Variants in SPTLC2 observed in about 807,000 individuals in gnomAD.
SPTLC2 encodes serine palmitoyltransferase 2.
SPTLC2 carries 21 observed loss-of-function variants against 62.0 expected under a neutral mutation model. That is an observed-to-expected ratio of 0.34 (90% CI 0.24 to 0.49). The LOEUF (loss-of-function observed/expected upper bound fraction) is 0.49. Ranked by LOEUF, SPTLC2 falls within the 20% of genes least tolerant of loss-of-function variation. The pLI, the probability that SPTLC2 is intolerant of heterozygous loss-of-function variation, is 0.99. For synonymous variants in SPTLC2, 261 were observed against 261.8 expected (o/e 1.00, Z 0.03); for missense variants, 511 against 713.0 (o/e 0.72, Z 3.23).
At chr14:77,569,532 G>T (rs1030325251) in intron 5 of SPTLC2, among the ~76,000 whole-genome samples, 1 of 151,742 alleles carries the variant, frequency 6.6e-6, no homozygotes, top group Non-Finnish European at 1.5e-5. Flanking sequence ...CATGCTCACA[G>T]TCACACAGCT....
intron 2 of SPTLC2, among the ~76,000 whole-genome samples, chr14:77,592,363 G>A (rs954888531): frequency 1.3e-5 from 2 of 151,972 alleles, no homozygotes; most frequent in African/African-American, 4.8e-5. Context: ...TTGAACTCCT[G>A]ACCTCAGGTG....
At chr14:77,592,989 G>C (rs2044491843) in intron 2 of SPTLC2, among the ~76,000 whole-genome samples, 2 of 151,832 alleles carry the variant, frequency 1.3e-5, no homozygotes, top group South Asian at 4.1e-4. Flanking sequence ...TGTAATTCCA[G>C]CTACTTGGGA....
intron 6 of SPTLC2, among the ~76,000 whole-genome samples, chr14:77,558,035 C>T (rs2079594245): frequency 6.7e-6 from 1 of 148,390 alleles, no homozygotes; most frequent in South Asian, 2.2e-4. Flanking sequence ...GGGTGGGAGA[C>T]ATCCTATCAT....
rs1230369473 is a variant in SPTLC2 at position 77,512,075 on chromosome 14, T to C, written c.*209A>G. The stretch of plus-strand genomic sequence containing the variant: ...AAAGCAAAGTGAGTCACCTTCGTTT[T>C]TAAAGGTGAGATTTAGCAAAGGAAG... On this transcript the variant is annotated 3_prime_UTR_variant, in exon 12 of 12. Transcript: ENST00000216484. 1 of 643,104 alleles carries C rather than the reference T, an allele frequency of 1.6e-6. No individual in the cohort carries two copies. Among genetic ancestry groups the C allele is most frequent in the Non-Finnish European group, 2.6e-6 (1 of 379,200 alleles). The allele number at this position is 643,104 out of a possible 1,614,324, so 39.8% of individuals were successfully genotyped here.
intron 9 of SPTLC2, among the ~76,000 whole-genome samples, chr14:77,532,815 A>C (rs898143610): frequency 9.8e-6 from 1 of 102,302 alleles, no homozygotes; most frequent in East Asian, 2.4e-4. Flanking sequence ...AAATAAATAA[A>C]TAAATAAAAT....
chr14:77,516,018 A>G (rs1207576485), intron 11 of SPTLC2, among the ~76,000 whole-genome samples: 1 of 24,338 alleles, frequency 4.1e-5, no homozygotes, highest in Non-Finnish European at 2.3e-4. Flanking sequence ...GCGCGCGCGC[A>G]TGTGTGTGTG....
chr14:77,556,511 C>T (rs1288649999), intron 7 of SPTLC2, among the ~76,000 whole-genome samples: 8 of 152,056 alleles, frequency 5.3e-5, no homozygotes, highest in South Asian at 4.1e-4. Context: ...GGTAAAAATA[C>T]GTGTAAAAGC....
chr14:77,562,420 T>C lies in SPTLC2; in HGVS notation c.826A>G (p.Thr276Ala), dbSNP rs535634658. ...CTGTTGTGTTTGAAGATTCTAATGG[T>C]TGCTCCTGACAGTCTGGCTCCCAGA... Reference protein sequence around the residue: ...LVLGARLSGATIRIFKHNNMQ... With the variant: ...LVLGARLSGAAIRIFKHNNMQ... The change falls in exon 6 of 12, where the codon ACC (threonine) becomes GCC (alanine). Residue 276 changes from threonine to alanine, a missense_variant. Physicochemically the swap from Thr to Ala is moderately conservative, Grantham distance 58. Coordinates refer to ENST00000216484, the MANE Select transcript of SPTLC2 (RefSeq NM_004863.4). 5.0e-6 allele frequency: 8 copies of C among 1,614,068 alleles called. No individual in the cohort carries two copies. In the South Asian group the frequency reaches 8.8e-5, roughly 18 times the overall value.
chr14:77,600,859 G>GA (rs1181231585), intron 1 of SPTLC2, among the ~76,000 whole-genome samples: 1 of 151,706 alleles, frequency 6.6e-6, no homozygotes, highest in South Asian at 2.1e-4. Context: ...ACAAGAGAAG[G>GA]AAAAAAAATC....
chr14:77,590,502 G>A (rs1000922648), intron 2 of SPTLC2, among the ~76,000 whole-genome samples: 1 of 152,146 alleles, frequency 6.6e-6, no homozygotes, highest in African/African-American at 2.4e-5. Flanking sequence ...ATAAACATGA[G>A]CCCAGGAGTT....
At chr14:77,592,850 C>CTT (rs1463143497) in intron 2 of SPTLC2, among the ~76,000 whole-genome samples, 1 of 152,154 alleles carries the variant, frequency 6.6e-6, no homozygotes, top group African/African-American at 2.4e-5. Flanking sequence ...TGGCTCACTC[C>CTT]TGTAATCCCA....
chr14:77,590,649 T>G (rs1231964010), intron 2 of SPTLC2, among the ~76,000 whole-genome samples: 1 of 152,082 alleles, frequency 6.6e-6, no homozygotes, highest in Non-Finnish European at 1.5e-5. Flanking sequence ...GAGACAGAAG[T>G]TGCAGTAAGC....
intron 1 of SPTLC2, among the ~76,000 whole-genome samples, chr14:77,609,443 T>C (rs2079923039): frequency 1.3e-5 from 2 of 152,162 alleles, no homozygotes; most frequent in South Asian, 4.2e-4. Flanking sequence ...TTGGCTATTA[T>C]AAATAACGTG....
intron 11 of SPTLC2, among the ~76,000 whole-genome samples, chr14:77,516,854 CAG>C (rs2079361849): frequency 6.6e-6 from 1 of 152,074 alleles, no homozygotes; most frequent in Non-Finnish European, 1.5e-5. Flanking sequence ...TGTGTAGAAA[CAG>C]AGAAGAAAAG....
chr14:77,598,061 G>T (rs766249282), intron 1 of SPTLC2, among the ~76,000 whole-genome samples: 4 of 150,550 alleles, frequency 2.7e-5, no homozygotes, highest in African/African-American at 4.9e-5. Flanking sequence ...GATGGAAGTT[G>T]TGGGGAGCCG....
At chr14:77,516,120 C>T (rs2079358666) in intron 11 of SPTLC2, among the ~76,000 whole-genome samples, 1 of 151,436 alleles carries the variant, frequency 6.6e-6, no homozygotes, top group African/African-American at 2.4e-5. Context: ...GTCTAGTACA[C>T]GTTTAGTTCC....
intron 9 of SPTLC2, among the ~76,000 whole-genome samples, chr14:77,551,390 CAAAAAA>C (rs11347331): frequency 1.6e-5 from 1 of 61,168 alleles, no homozygotes; most frequent in Admixed American, 2.5e-4. Context: ...GACTCCGTCT[CAAAAAA>C]AAAAAAAAAA....
chr14:77,595,231 A>G (rs2079840197), intron 2 of SPTLC2, among the ~76,000 whole-genome samples: 1 of 152,026 alleles, frequency 6.6e-6, no homozygotes, highest in Non-Finnish European at 1.5e-5. Context: ...CGGGAGTGGT[A>G]GCACATGCCT....
chr14:77,598,891 T>A (rs1014763535), intron 1 of SPTLC2, among the ~76,000 whole-genome samples: 6 of 148,652 alleles, frequency 4.0e-5, no homozygotes, highest in African/African-American at 1.5e-4. Flanking sequence ...GCCATGATCA[T>A]GCCACTTCCC....
Sources: gnomAD v4.1 joint callset for allele counts (sites outside exome capture counted in the v4.1 genomes callset) on GRCh38, gnomAD v4.1.1 for gene constraint, MANE v1.5 for transcripts, NCBI Gene and HGNC (gene_info 2026-07-23, HGNC 2026-07-21) for gene names.